ERC2: variants seen among roughly 807,000 people sequenced by gnomAD.
ERC2 encodes the protein ELKS/RAB6-interacting/CAST family member 2, also known as ERC protein 2.
Under a neutral mutation model 114.8 loss-of-function variants are expected in ERC2, and 42 were observed. The observed-to-expected ratio is 0.37, with a 90% CI of 0.29 to 0.47. The LOEUF (loss-of-function observed/expected upper bound fraction) is 0.47. Among genes scored for constraint, ERC2 ranks in the 20% least tolerant of loss-of-function variants. ERC2 has a pLI of 0.99. For missense variants in ERC2, 939 were observed against 1,150.7 expected, an observed-to-expected ratio of 0.82 and a Z score of 2.66; for synonymous variants, 454 against 425.5, an observed-to-expected ratio of 1.07 and a Z score of -0.82.
intron 3 of ERC2, among the ~76,000 whole-genome samples, chr3:56,206,578 C>A (rs894625742): frequency 3.3e-5 from 5 of 152,108 alleles, no homozygotes; most frequent in African/African-American, 1.2e-4. Flanking sequence ...TCATCTGAGA[C>A]AAAAAGAGTA....
intron 17 of ERC2, among the ~76,000 whole-genome samples, chr3:55,590,250 C>T (rs1575682492): frequency 6.6e-6 from 1 of 152,146 alleles, no homozygotes; most frequent in African/African-American, 2.4e-5. Context: ...CTGATGATAT[C>T]CAAATTTGGC....
chr3:55,986,760 G>A (rs577977448), intron 11 of ERC2, among the ~76,000 whole-genome samples: 50 of 151,060 alleles, frequency 3.3e-4, no homozygotes, highest in African/African-American at 1.1e-3. Flanking sequence ...TAGCATGTCC[G>A]TCTCATTGGT....
intron 2 of ERC2, among the ~76,000 whole-genome samples, chr3:56,319,109 G>A (rs138258681): frequency 6.6e-5 from 10 of 151,804 alleles, no homozygotes; most frequent in African/African-American, 1.5e-4. Flanking sequence ...ATATAGAATC[G>A]CCATATGATC....
intron 12 of ERC2, among the ~76,000 whole-genome samples, chr3:55,967,082 G>C (rs926723410): frequency 3.9e-5 from 6 of 152,182 alleles, no homozygotes; most frequent in African/African-American, 1.4e-4. Flanking sequence ...ACAGGAGTAA[G>C]CTTACTCTAA....
At chr3:55,913,631 G>T (rs1035736071) in intron 13 of ERC2, among the ~76,000 whole-genome samples, 4 of 152,108 alleles carry the variant, frequency 2.6e-5, no homozygotes, top group African/African-American at 9.7e-5. Context: ...TATGGAAAAA[G>T]AAAAGGGACA....
chr3:56,168,918 T>C (rs1265850448), intron 4 of ERC2, among the ~76,000 whole-genome samples: 2 of 152,200 alleles, frequency 1.3e-5, no homozygotes, highest in South Asian at 2.1e-4. Context: ...AGCAACTTAG[T>C]GGAGCTCAGT....
At chr3:56,413,517 C>T (rs980962064) in intron 2 of ERC2, among the ~76,000 whole-genome samples, 2 of 152,094 alleles carry the variant, frequency 1.3e-5, no homozygotes, top group East Asian at 1.9e-4. Context: ...CTGAGCCCAT[C>T]CTCAGAATTA....
At chr3:56,231,120 C>T (rs1405878824) in intron 3 of ERC2, among the ~76,000 whole-genome samples, 2 of 152,224 alleles carry the variant, frequency 1.3e-5, no homozygotes, top group East Asian at 1.9e-4. Context: ...GATTCCAGGG[C>T]TCATGCCTTT....
chr3:56,077,325 G>C (rs1168096664), intron 7 of ERC2, among the ~76,000 whole-genome samples: 2 of 152,056 alleles, frequency 1.3e-5, no homozygotes, highest in Non-Finnish European at 2.9e-5. Flanking sequence ...TGGTAAACTT[G>C]GTTTAAAAAC....
chr3:55,766,087 T>C (rs2149008842), intron 14 of ERC2, among the ~76,000 whole-genome samples: 1 of 152,226 alleles, frequency 6.6e-6, no homozygotes, highest in Admixed American at 6.5e-5. Flanking sequence ...TGTGTGAAGC[T>C]ACCAAGGCTG....
intron 1 of ERC2, among the ~76,000 whole-genome samples, chr3:56,438,906 C>T (rs1194499973): frequency 6.6e-6 from 1 of 152,196 alleles, no homozygotes; most frequent in African/African-American, 2.4e-5. Flanking sequence ...AACACACACA[C>T]ATATAACATA....
rs74537839 is a variant in ERC2 at position 56,397,677 on chromosome 3, T to C, written c.657+36674A>G. 5.5e-3 allele frequency among the ~76,000 whole-genome samples: 837 copies of C among 152,346 alleles called. 7 individuals are homozygous for C. The highest frequency in any genetic ancestry group is 0.019 in the African/African-American group (800 of 41,568). On this transcript the variant is annotated intron_variant, in intron 2 of 17. Coordinates refer to ENST00000288221, the MANE Select transcript of ERC2 (RefSeq NM_015576.3). Reference sequence around the variant, plus strand: ...TATCAAGTTTGTGTATTATTTAGGATAAGGTCCAGCTGTACTCAAGATAAC... The same window carrying C: ...TATCAAGTTTGTGTATTATTTAGGACAAGGTCCAGCTGTACTCAAGATAAC...
chr3:56,455,775 A>C (rs2063035140), intron 1 of ERC2, among the ~76,000 whole-genome samples: 1 of 152,228 alleles, frequency 6.6e-6, no homozygotes, highest in Non-Finnish European at 1.5e-5. Context: ...AGAGACTAAA[A>C]AAATCTAAGA....
At chr3:55,841,667 T>C (rs942859327) in intron 14 of ERC2, among the ~76,000 whole-genome samples, 2 of 152,218 alleles carry the variant, frequency 1.3e-5, no homozygotes, top group South Asian at 2.1e-4. Flanking sequence ...AGTGCTATTA[T>C]GGTTTCTACA....
At chr3:56,268,896 A>G (rs1186343653) in intron 3 of ERC2, among the ~76,000 whole-genome samples, 1 of 152,176 alleles carries the variant, frequency 6.6e-6, no homozygotes, top group Non-Finnish European at 1.5e-5. Flanking sequence ...GAATGTCCCT[A>G]AAGTTGATTG....
intron 14 of ERC2, among the ~76,000 whole-genome samples, chr3:55,878,013 T>C (rs1029946444): frequency 2.0e-5 from 3 of 152,156 alleles, no homozygotes; most frequent in Non-Finnish European, 4.4e-5. Context: ...TACCATGTTT[T>C]AGGAGGTTGG....
chr3:55,753,181 A>G (rs1011926601), intron 14 of ERC2, among the ~76,000 whole-genome samples: 16 of 152,282 alleles, frequency 1.1e-4, no homozygotes, highest in African/African-American at 9.6e-5. Flanking sequence ...TGATTTCTCA[A>G]TTCCAGTGAG....
chr3:56,019,085 A>ATGTATAGATTACATAT, intron 7 of ERC2, 54 bp from the exon 8 acceptor site: 1 of 1,372,202 alleles, frequency 7.3e-7, no homozygotes, highest in Admixed American at 2.2e-5. Context: ...TCCTAGGCCA[A>ATGTATAGATTACATAT]AATTCCTGAA....
At chr3:55,529,485 T>C (rs1335911787) in intron 17 of ERC2, among the ~76,000 whole-genome samples, 1 of 152,220 alleles carries the variant, frequency 6.6e-6, no homozygotes, top group Non-Finnish European at 1.5e-5. Flanking sequence ...AAGAGTAGCC[T>C]AACCTTTACA....
Sources: allele counts gnomAD v4.1 joint callset (sites outside exome capture counted in the v4.1 genomes callset), GRCh38; gene constraint gnomAD v4.1.1; transcripts MANE v1.5; gene names NCBI Gene and HGNC (gene_info 2026-07-23, HGNC 2026-07-21).